SMG6: variants seen among roughly 807,000 people sequenced by gnomAD.
The protein encoded by SMG6 is SMG6 nonsense mediated mRNA decay factor, also known as telomerase-binding protein EST1A.
Under a neutral mutation model 142.2 loss-of-function variants are expected in SMG6, and 66 were observed. The ratio of observed to expected loss-of-function variants is 0.46; its 90% CI spans 0.38 to 0.57. SMG6 has a LOEUF of 0.57. Ranked by LOEUF, SMG6 falls within the 20% of genes least tolerant of loss-of-function variation. SMG6 has a pLI of 0.00. For missense variants in SMG6, 1,793 were observed against 1,832.0 expected (o/e 0.98, Z 0.39); for synonymous variants, 779 against 702.4 (o/e 1.11, Z -1.72).
chr17:2,099,548 T>C (rs1242275963), intron 13 of SMG6, among the ~76,000 whole-genome samples: 2 of 152,114 alleles, frequency 1.3e-5, no homozygotes, highest in African/African-American at 2.4e-5. Context: ...AAATGTAGTA[T>C]GCAGACATTC....
At position 2,068,526 on chromosome 17, in the gene SMG6, T is replaced by C. The variant is rs114385873; in HGVS notation, c.3835+252A>G. Among the ~76,000 whole-genome samples the C allele has an allele frequency of 0.01, 1,548 of 152,324 alleles. 27 individuals carry two copies. The highest frequency in any genetic ancestry group is 0.035 in the African/African-American group (1,456 of 41,558). ...AGGATAAAAACAAGGGCTGGGCTCA[T>C]GCAGCCTCTGGTTGCTGGGACACAG... On this transcript the variant is annotated intron_variant, in intron 16 of 18. Coordinates refer to ENST00000263073, the MANE Select transcript of SMG6 (RefSeq NM_017575.5). This position sits in a 1 kb window ranked among gnomAD's most constrained non-coding sequence, Gnocchi z 6.7.
intron 8 of SMG6, among the ~76,000 whole-genome samples, chr17:2,261,123 A>G (rs1034275199): frequency 1.3e-5 from 2 of 151,568 alleles, no homozygotes; most frequent in African/African-American, 4.9e-5. Flanking sequence ...TGGCTAACAC[A>G]GTGAAACCCT....
At chr17:2,301,798 C>A (rs763673377) in intron 1 of SMG6, among the ~76,000 whole-genome samples, 1 of 152,160 alleles carries the variant, frequency 6.6e-6, no homozygotes, top group African/African-American at 2.4e-5. Context: ...GCGGAGATCG[C>A]GCCAGTGCAC....
At chr17:2,295,369 G>A (rs529757207) in intron 4 of SMG6, among the ~76,000 whole-genome samples, 43 of 152,034 alleles carry the variant, frequency 2.8e-4, no homozygotes, top group South Asian at 1.9e-3. Context: ...GAAAAACAAA[G>A]AACAAAAAAC....
At chr17:2,212,037 C>A (rs2072880809) in intron 10 of SMG6, among the ~76,000 whole-genome samples, 1 of 152,202 alleles carries the variant, frequency 6.6e-6, no homozygotes, top group Non-Finnish European at 1.5e-5. Flanking sequence ...CTGAAAGTCA[C>A]AGTTACCATA....
At chr17:2,303,563 G>A in intron 1 of SMG6, 70 bp downstream of exon 1, 1 of 1,357,308 alleles carries the variant, frequency 7.4e-7, no homozygotes, top group South Asian at 1.7e-5. Context: ...CGAGCGGGGA[G>A]GAGGCAGAGG....
chr17:2,064,383 C>T (rs1313451883), intron 18 of SMG6, among the ~76,000 whole-genome samples: 1 of 152,086 alleles, frequency 6.6e-6, no homozygotes, highest in Non-Finnish European at 1.5e-5. Context: ...GGTGGTCAAG[C>T]GCTTGGGTGA....
At chr17:2,125,213 C>T (rs1436869246) in intron 13 of SMG6, among the ~76,000 whole-genome samples, 1 of 152,136 alleles carries the variant, frequency 6.6e-6, no homozygotes, top group Non-Finnish European at 1.5e-5. Context: ...TCTGATGTGG[C>T]AAGACTTGTA....
chr17:2,149,349 CAAAAAAAA>C (rs1178295829), intron 13 of SMG6, among the ~76,000 whole-genome samples: 5 of 71,120 alleles, frequency 7.0e-5, no homozygotes, highest in Admixed American at 1.9e-4. Flanking sequence ...GATTCCCCCT[CAAAAAAAA>C]AAAAAAAAAA....
chr17:2,237,402 A>G (rs1344900821), intron 9 of SMG6: 2 of 580,346 alleles, frequency 3.4e-6, no homozygotes, highest in Non-Finnish European at 4.3e-6. Flanking sequence ...ACTTTAGGTA[A>G]CCAGACATAG....
intron 10 of SMG6, among the ~76,000 whole-genome samples, chr17:2,214,627 T>A (rs375823349): frequency 6.6e-6 from 1 of 152,204 alleles, no homozygotes; most frequent in Admixed American, 6.5e-5. Context: ...AGGTGTATAT[T>A]AAACAAACTA....
chr17:2,074,673 T>A (rs1422093009), intron 15 of SMG6, among the ~76,000 whole-genome samples: 2 of 152,246 alleles, frequency 1.3e-5, no homozygotes, highest in Non-Finnish European at 2.9e-5. Context: ...CTACTTTTCT[T>A]GCAGTTTCCA....
chr17:2,297,055 G>A (rs1383554770), intron 4 of SMG6, among the ~76,000 whole-genome samples, 188 bp downstream of exon 4: 1 of 150,848 alleles, frequency 6.6e-6, no homozygotes, highest in African/African-American at 2.4e-5. Flanking sequence ...AGGCTGGGGA[G>A]CACTGCTATA....
chr17:2,118,986 C>T (rs1041897382), intron 13 of SMG6, among the ~76,000 whole-genome samples: 1 of 151,492 alleles, frequency 6.6e-6, no homozygotes, highest in African/African-American at 2.4e-5. Context: ...CTGCAACCTC[C>T]GTCTCCCGGT....
intron 10 of SMG6, among the ~76,000 whole-genome samples, chr17:2,206,959 AG>A (rs2072701352): frequency 6.6e-6 from 1 of 151,850 alleles, no homozygotes; most frequent in South Asian, 2.1e-4. Context: ...TTTTTTAAAA[AG>A]ATCTATAAAA....
intron 8 of SMG6, among the ~76,000 whole-genome samples, chr17:2,251,135 A>G (rs1042936551): frequency 1.3e-5 from 2 of 152,076 alleles, no homozygotes; most frequent in South Asian, 2.1e-4. Flanking sequence ...AATCTAAGAA[A>G]AAAAAAAAAT....
intron 8 of SMG6, among the ~76,000 whole-genome samples, chr17:2,260,075 A>C (rs1342466976): frequency 6.6e-6 from 1 of 152,236 alleles, no homozygotes. Context: ...TCAGGTTTGG[A>C]TGTGAACTTC....
intron 13 of SMG6, among the ~76,000 whole-genome samples, chr17:2,150,568 CA>C: frequency 6.6e-6 from 1 of 151,792 alleles, no homozygotes; most frequent in African/African-American, 2.4e-5. Flanking sequence ...CCCATGTCAT[CA>C]GGGGTAGCTC....
chr17:2,063,486 CTGTT>C (rs1217128665), intron 18 of SMG6, among the ~76,000 whole-genome samples: 1 of 152,154 alleles, frequency 6.6e-6, no homozygotes, highest in Non-Finnish European at 1.5e-5. Flanking sequence ...TTCCTGTAGG[CTGTT>C]TGGGGTGAAG....
Sources: allele counts gnomAD v4.1 joint callset (sites outside exome capture counted in the v4.1 genomes callset), GRCh38; gene constraint gnomAD v4.1.1; non-coding constraint Gnocchi (gnomAD v3.1); transcripts MANE v1.5; gene names NCBI Gene and HGNC (gene_info 2026-07-23, HGNC 2026-07-21).